ADGRV1: variants seen among roughly 807,000 people sequenced by gnomAD.
ADGRV1 encodes G-protein coupled receptor 98.
A neutral mutation model predicts 596.2 loss-of-function variants in ADGRV1; 359 were observed. The ratio of observed to expected loss-of-function variants is 0.60; its 90% CI spans 0.55 to 0.66. The LOEUF (loss-of-function observed/expected upper bound fraction) is 0.66, where lower values mean the gene tolerates loss of function less well. ADGRV1 is among the 30% of genes least tolerant of loss of function. The pLI is 0.00. For synonymous variants in ADGRV1, 2,681 were observed against 2,679.2 expected (o/e 1.00, Z -0.02); for missense variants, 7,274 against 7,575.6 (o/e 0.96, Z 1.48).
At chr5:90,772,078 C>T (rs921325780) in intron 59 of ADGRV1, among the ~76,000 whole-genome samples, 5 of 152,118 alleles carry the variant, frequency 3.3e-5, no homozygotes, top group Admixed American at 2.6e-4. Flanking sequence ...AGCTGCCTTA[C>T]ATATACAGTA....
chr5:90,663,931 G>A (rs1465567151), intron 21 of ADGRV1, among the ~76,000 whole-genome samples: 8 of 150,918 alleles, frequency 5.3e-5, no homozygotes, highest in Non-Finnish European at 1.2e-4. Flanking sequence ...GTAGATATGC[G>A]GCGTTATTTC....
intron 87 of ADGRV1, among the ~76,000 whole-genome samples, chr5:91,137,550 A>G (rs1334506985): frequency 6.6e-6 from 1 of 152,246 alleles, no homozygotes; most frequent in Non-Finnish European, 1.5e-5. Flanking sequence ...AGTTTCCAAT[A>G]TAGTAGACAC....
chr5:90,945,865 C>T (rs1022943230), intron 83 of ADGRV1, among the ~76,000 whole-genome samples: 2 of 151,996 alleles, frequency 1.3e-5, no homozygotes, highest in African/African-American at 2.4e-5. Flanking sequence ...GTAGTCCCAG[C>T]TACTCTGGAG....
chr5:90,868,771 G>T (rs77174790), intron 83 of ADGRV1, among the ~76,000 whole-genome samples: 4,112 of 150,074 alleles, frequency 0.027, 104 homozygotes, highest in South Asian at 0.14. Flanking sequence ...AAGACATTCT[G>T]CACACAGATA....
chr5:91,037,056 T>C (rs1281348753), intron 85 of ADGRV1, among the ~76,000 whole-genome samples: 1 of 152,142 alleles, frequency 6.6e-6, no homozygotes, highest in East Asian at 1.9e-4. Context: ...AATTTTATCA[T>C]TCATGGCATA....
In ADGRV1 at chr5:90,878,985, A is replaced by T. The variant is rs566200274; in HGVS notation, c.17856+15128A>T. Among the ~76,000 whole-genome samples, 6 of 152,342 alleles carry T rather than the reference A, an allele frequency of 3.9e-5. No homozygotes were observed. The East Asian group carries it at 1.2e-3, about 29-fold the overall frequency. On this transcript the variant is annotated intron_variant, in intron 83 of 89. Transcript: ENST00000405460. ...TACATGTGAGTCATTCTTTCCTGGG[A>T]TAAGGCTACTTCAGCTTTAAGTGGA...
At chr5:90,708,306 T>G (rs1401773322) in intron 38 of ADGRV1, among the ~76,000 whole-genome samples, 1 of 152,094 alleles carries the variant, frequency 6.6e-6, no homozygotes, top group African/African-American at 2.4e-5. Flanking sequence ...TTGTGATCAT[T>G]ATTACAATCT....
intron 72 of ADGRV1, among the ~76,000 whole-genome samples, chr5:90,806,270 A>C (rs1210302437): frequency 6.6e-6 from 1 of 152,166 alleles, no homozygotes; most frequent in Admixed American, 6.5e-5. Context: ...ATCCCAGAAA[A>C]CAGAAAGAGA....
chr5:91,152,369 T>C lies in ADGRV1; in HGVS notation c.18625-852T>C, dbSNP rs1340077492. ...TTTTTCTCAATTTAGTATATCCTTA[T>C]AGATACCTACTATATTTAAAATCCT... On this transcript the variant is annotated intron_variant, in intron 88 of 89. Transcript: ENST00000405460. Among the ~76,000 whole-genome samples, 4 of 152,242 alleles carry C rather than the reference T, an allele frequency of 2.6e-5. No homozygotes were observed. The East Asian group carries it at 7.7e-4, about 29-fold the overall frequency.
chr5:91,014,838 C>T lies in ADGRV1; in HGVS notation c.18152+29316C>T, dbSNP rs938385347. Among the ~76,000 whole-genome samples the T allele has an allele frequency of 3.4e-5, 3 of 87,176 alleles. No homozygotes were observed. The Admixed American group carries it at 4.2e-4, about 12-fold the overall frequency. 57.2% of individuals were successfully genotyped at this position (87,176 alleles called of 152,430 possible). A position where few individuals can be genotyped will look rare whatever the true frequency, so the allele number is the denominator to read the frequency against. On this transcript the variant is annotated intron_variant, in intron 85 of 89. Transcript: ENST00000405460. Reference sequence around the variant, plus strand: ...TATCTTATTAATTTTTTCAAAAAACCAACTCCATCTTTCGAATGGTTTTTT... The same window carrying T: ...TATCTTATTAATTTTTTCAAAAAACTAACTCCATCTTTCGAATGGTTTTTT...
At chr5:90,823,329 A>G (rs1763768708) in intron 75 of ADGRV1, 96 bp from the exon 76 acceptor site, 2 of 1,238,200 alleles carry the variant, frequency 1.6e-6, no homozygotes, top group Non-Finnish European at 2.3e-6. Flanking sequence ...CATTTGGTAT[A>G]CTTTGGATGA....
At chr5:90,905,995 T>C (rs1772288688) in intron 83 of ADGRV1, among the ~76,000 whole-genome samples, 1 of 152,098 alleles carries the variant, frequency 6.6e-6, no homozygotes, top group African/African-American at 2.4e-5. Flanking sequence ...GATCATTTGG[T>C]TTTAGTCCTC....
chr5:90,950,296 G>A (rs537668266), intron 83 of ADGRV1, among the ~76,000 whole-genome samples: 1 of 152,188 alleles, frequency 6.6e-6, no homozygotes, highest in East Asian at 1.9e-4. Context: ...GTGGAAAGGG[G>A]TAAGGATGGA....
intron 1 of ADGRV1, among the ~76,000 whole-genome samples, chr5:90,612,712 T>C (rs1480438800): frequency 2.0e-5 from 3 of 152,082 alleles, no homozygotes; most frequent in Non-Finnish European, 4.4e-5. Flanking sequence ...ACGGTTTTTC[T>C]TCCGAATGCA....
chr5:91,090,211 G>T (rs921946465), intron 86 of ADGRV1, among the ~76,000 whole-genome samples: 8 of 152,022 alleles, frequency 5.3e-5, no homozygotes, highest in Non-Finnish European at 1.0e-4. Flanking sequence ...AGATCTATTT[G>T]ATCCCCCCTC....
chr5:90,685,738 T>C (rs1480454419), intron 28 of ADGRV1, 42 bp from the exon 29 acceptor site: 3 of 1,490,582 alleles, frequency 2.0e-6, no homozygotes, highest in Admixed American at 1.7e-5. Flanking sequence ...TCTTAGAATT[T>C]TGATAGCTTT....
intron 84 of ADGRV1, among the ~76,000 whole-genome samples, chr5:90,974,686 T>C (rs548296613): frequency 1.4e-4 from 21 of 152,276 alleles, no homozygotes; most frequent in African/African-American, 4.6e-4. Flanking sequence ...TTACACCTTA[T>C]ACAAAAAGTA....
At chr5:91,137,031 T>G (rs1205930720) in intron 87 of ADGRV1, among the ~76,000 whole-genome samples, 1 of 152,214 alleles carries the variant, frequency 6.6e-6, no homozygotes, top group African/African-American at 2.4e-5. Context: ...CAAGGTTGAT[T>G]TGAGGTCATG....
chr5:90,945,564 A>C (rs746251240), intron 83 of ADGRV1, among the ~76,000 whole-genome samples: 2 of 152,156 alleles, frequency 1.3e-5, no homozygotes, highest in Non-Finnish European at 2.9e-5. Flanking sequence ...ATCAAACTCC[A>C]CTGAGGGAGG....
Sources: allele counts gnomAD v4.1 joint callset (sites outside exome capture counted in the v4.1 genomes callset), GRCh38; gene constraint gnomAD v4.1.1; transcripts MANE v1.5; gene names NCBI Gene and HGNC (gene_info 2026-07-23, HGNC 2026-07-21).